The following HCN1 variants were observed in gnomAD, a reference collection of about 807,000 sequenced individuals.
HCN1 encodes potassium/sodium hyperpolarization-activated cyclic nucleotide-gated channel 1.
HCN1 carries 13 observed loss-of-function variants against 78.9 expected under a neutral mutation model. The ratio of observed to expected loss-of-function variants is 0.16; its 90% CI spans 0.11 to 0.26. HCN1 has a LOEUF of 0.26. HCN1 is among the 10% of genes least tolerant of loss of function. HCN1 has a pLI of 1.00. For missense variants in HCN1, 810 were observed against 1,154.3 expected (o/e 0.70, Z 4.32); for synonymous variants, 552 against 455.5 (o/e 1.21, Z -2.70).
At chr5:45,584,846 T>C (rs1744174010) in intron 2 of HCN1, among the ~76,000 whole-genome samples, 1 of 152,216 alleles carries the variant, frequency 6.6e-6, no homozygotes, top group African/African-American at 2.4e-5. Flanking sequence ...TTAAGAAGTT[T>C]GAATATTGGC....
rs990496179 is a variant in HCN1 at position 45,260,047 on chromosome 5, A to C, written c.*1874T>G. ...CCAGTTGGGATTTGTTTGAAATTAA[A>C]CATAACAACTCATTTTGGTATTATA... On this transcript the variant is annotated 3_prime_UTR_variant, in exon 8 of 8. Coordinates refer to ENST00000303230, the MANE Select transcript of HCN1 (RefSeq NM_021072.4). The C allele has an allele frequency of 2.0e-5, 3 of 152,484 alleles. No individual in the cohort carries two copies. The highest frequency in any genetic ancestry group is 1.3e-4 in the Admixed American group (2 of 15,264). The allele number at this position is 152,484 out of a possible 1,614,324, so 9.4% of individuals were successfully genotyped here. A position where few individuals can be genotyped will look rare whatever the true frequency, so the allele number is the denominator to read the frequency against.
At chr5:45,602,374 G>A (rs1744643729) in intron 2 of HCN1, among the ~76,000 whole-genome samples, 1 of 152,078 alleles carries the variant, frequency 6.6e-6, no homozygotes, top group Non-Finnish European at 1.5e-5. Flanking sequence ...TCATGGATGT[G>A]CACACAGAGG....
chr5:45,676,783 A>G (rs1746274620), intron 1 of HCN1, among the ~76,000 whole-genome samples: 1 of 151,826 alleles, frequency 6.6e-6, no homozygotes, highest in Non-Finnish European at 1.5e-5. Context: ...AATATATTCA[A>G]ATACAATCAT....
intron 3 of HCN1, among the ~76,000 whole-genome samples, chr5:45,429,823 T>G (rs1027400995): frequency 4.6e-5 from 7 of 152,110 alleles, no homozygotes; most frequent in Admixed American, 4.6e-4. Context: ...GTGGACACAC[T>G]GACAGTGAGC....
chr5:45,688,975 G>T (rs376226618), intron 1 of HCN1, among the ~76,000 whole-genome samples: 11 of 152,052 alleles, frequency 7.2e-5, no homozygotes, highest in African/African-American at 2.7e-4. Context: ...GTTGCTTAAG[G>T]CTGAGCGGGA....
At chr5:45,491,842 G>A (rs1741891577) in intron 2 of HCN1, among the ~76,000 whole-genome samples, 1 of 152,130 alleles carries the variant, frequency 6.6e-6, no homozygotes, top group African/African-American at 2.4e-5. Flanking sequence ...TAAGGAAGTG[G>A]TGAAAGCTAG....
intron 2 of HCN1, chr5:45,643,352 T>A (rs1466042936): frequency 6.6e-6 from 1 of 152,128 alleles, no homozygotes; most frequent in Non-Finnish European, 1.5e-5. Flanking sequence ...TTTAATTGAC[T>A]GGATGTTTAT....
chr5:45,379,983 A>G (rs1479489905), intron 4 of HCN1, among the ~76,000 whole-genome samples: 1 of 152,078 alleles, frequency 6.6e-6, no homozygotes, highest in Non-Finnish European at 1.5e-5. Context: ...TATATTCAAT[A>G]TATATTAAGT....
At chr5:45,632,163 C>T (rs964764296) in intron 2 of HCN1, among the ~76,000 whole-genome samples, 4 of 151,764 alleles carry the variant, frequency 2.6e-5, no homozygotes, top group Admixed American at 1.3e-4. Context: ...ACTAAGGGGT[C>T]GATCATACTG....
At chr5:45,380,832 A>G (rs543920733) in intron 4 of HCN1, among the ~76,000 whole-genome samples, 8 of 152,276 alleles carry the variant, frequency 5.3e-5, no homozygotes, top group African/African-American at 1.9e-4. Flanking sequence ...GAACCACGAG[A>G]TAAGACATCC....
chr5:45,341,862 C>A (rs1349064201), intron 5 of HCN1, among the ~76,000 whole-genome samples: 1 of 152,182 alleles, frequency 6.6e-6, no homozygotes, highest in African/African-American at 2.4e-5. Context: ...ACCACTACAA[C>A]ACTCCCACTC....
At chr5:45,288,632 T>C (rs374975412) in intron 6 of HCN1, among the ~76,000 whole-genome samples, 4 of 152,038 alleles carry the variant, frequency 2.6e-5, no homozygotes, top group African/African-American at 9.7e-5. Flanking sequence ...ATAGTTTTGA[T>C]TGTAAATATA....
At chr5:45,344,292 G>A (rs1338275665) in intron 5 of HCN1, among the ~76,000 whole-genome samples, 1 of 152,058 alleles carries the variant, frequency 6.6e-6, no homozygotes, top group African/African-American at 2.4e-5. Context: ...GATTATGGGA[G>A]CTACAATTCA....
intron 2 of HCN1, among the ~76,000 whole-genome samples, chr5:45,499,427 A>T (rs999783891): frequency 3.3e-5 from 5 of 152,156 alleles, no homozygotes; most frequent in African/African-American, 7.2e-5. Flanking sequence ...AAGTGAGGCA[A>T]TGCCTCGCCC....
chr5:45,337,559 T>C (rs1470290842), intron 5 of HCN1, among the ~76,000 whole-genome samples: 1 of 152,184 alleles, frequency 6.6e-6, no homozygotes, highest in Non-Finnish European at 1.5e-5. Context: ...GTGTACTTAT[T>C]AATTTTTTCC....
chr5:45,334,281 C>A lies in HCN1; in HGVS notation c.1377+18819G>T, dbSNP rs1746406915. ...AGCAACTAGATTTTGGAAATACAGG[C>A]ATGTTTTCTGTCTGTTTTCCCTGTG... On this transcript the variant is annotated intron_variant, in intron 5 of 7. Coordinates refer to ENST00000303230, the MANE Select transcript of HCN1 (RefSeq NM_021072.4). Among the ~76,000 whole-genome samples, 6 of 151,724 alleles carry A rather than the reference C, an allele frequency of 4.0e-5. No individual in the cohort carries two copies. In the Admixed American group the frequency reaches 4.0e-4, roughly 10 times the overall value.
At chr5:45,536,513 A>T (rs1742972204) in intron 2 of HCN1, among the ~76,000 whole-genome samples, 1 of 151,980 alleles carries the variant, frequency 6.6e-6, no homozygotes, top group Non-Finnish European at 1.5e-5. Context: ...CAGCATTAGA[A>T]TTTTCATTTC....
chr5:45,478,824 A>G (rs1741580685), intron 2 of HCN1, among the ~76,000 whole-genome samples: 1 of 152,154 alleles, frequency 6.6e-6, no homozygotes, highest in Non-Finnish European at 1.5e-5. Flanking sequence ...TAAAAGTAAT[A>G]AAGAATAAGC....
chr5:45,632,418 G>A (rs990055798), intron 2 of HCN1, among the ~76,000 whole-genome samples: 1 of 152,000 alleles, frequency 6.6e-6, no homozygotes, highest in Non-Finnish European at 1.5e-5. Context: ...TGTGACAAAA[G>A]AGGAGGATGA....
Sources: gnomAD v4.1 joint callset for allele counts (sites outside exome capture counted in the v4.1 genomes callset) on GRCh38, gnomAD v4.1.1 for gene constraint, MANE v1.5 for transcripts, NCBI Gene and HGNC (gene_info 2026-07-23, HGNC 2026-07-21) for gene names.